Variants in SPOCK1 observed in about 807,000 individuals in gnomAD.
The protein encoded by SPOCK1 is testican-1.
A neutral mutation model predicts 55.3 loss-of-function variants in SPOCK1; 23 were observed. The ratio of observed to expected loss-of-function variants is 0.42; its 90% CI spans 0.30 to 0.59. The LOEUF (loss-of-function observed/expected upper bound fraction) is 0.59, where lower values mean the gene tolerates loss of function less well. Among genes scored for constraint, SPOCK1 ranks in the 20% least tolerant of loss-of-function variants. The probability of loss-of-function intolerance (pLI) is 0.22; values close to 1 mark genes in which losing one functional copy is unlikely to be tolerated. For synonymous variants in SPOCK1, 226 were observed against 221.0 expected (o/e 1.02, Z -0.20); for missense variants, 499 against 552.5 (o/e 0.90, Z 0.97).
intron 2 of SPOCK1, among the ~76,000 whole-genome samples, chr5:137,309,012 T>A (rs1757746426): frequency 6.6e-6 from 1 of 152,210 alleles, no homozygotes; most frequent in Admixed American, 6.5e-5. Context: ...GGTGGTGAGA[T>A]GCTGGATTTT....
Position 137,293,966 on chromosome 5 carries a change from G to A in SPOCK1, c.187-26911C>T, listed in dbSNP as rs555134381. ...CGGGAGGCGGAGCTTGCAGTGAGCC[G>A]AGATAGCACTGCACTCCAGCCTGGG... On this transcript the variant is annotated intron_variant, in intron 2 of 10. Transcript: ENST00000394945. Among the ~76,000 whole-genome samples the A allele has an allele frequency of 1.1e-4, 16 of 152,272 alleles. No homozygotes were observed. The South Asian group carries it at 3.1e-3, about 30-fold the overall frequency.
intron 2 of SPOCK1, among the ~76,000 whole-genome samples, chr5:137,461,728 A>T (rs1561541888): frequency 6.6e-6 from 1 of 152,240 alleles, no homozygotes; most frequent in Non-Finnish European, 1.5e-5. Flanking sequence ...ACCTAGAAAC[A>T]GCAAAATGCA....
intron 5 of SPOCK1, among the ~76,000 whole-genome samples, chr5:137,073,215 A>G (rs1057479793): frequency 1.3e-5 from 2 of 152,176 alleles, no homozygotes; most frequent in African/African-American, 4.8e-5. Flanking sequence ...AATGGGACAA[A>G]GGCCTGTTTC....
intron 3 of SPOCK1, among the ~76,000 whole-genome samples, chr5:137,189,254 GGAA>G (rs1472667040): frequency 6.6e-6 from 1 of 152,318 alleles, no homozygotes; most frequent in South Asian, 2.1e-4. Flanking sequence ...ACTTTCTATT[GGAA>G]GAAGAAGCCA....
intron 6 of SPOCK1, among the ~76,000 whole-genome samples, chr5:137,004,551 T>A (rs1418800861): frequency 6.6e-6 from 1 of 151,922 alleles, no homozygotes; most frequent in Non-Finnish European, 1.5e-5. Flanking sequence ...ATGTTTGCTA[T>A]TATTATTATC....
At chr5:137,448,545 ATTTCT>A (rs1561538524) in intron 2 of SPOCK1, among the ~76,000 whole-genome samples, 1 of 152,168 alleles carries the variant, frequency 6.6e-6, no homozygotes, top group African/African-American at 2.4e-5. Flanking sequence ...GGACTCAATG[ATTTCT>A]TTTCATTAGG....
At chr5:137,290,402 C>T (rs1712354691) in intron 2 of SPOCK1, among the ~76,000 whole-genome samples, 1 of 152,110 alleles carries the variant, frequency 6.6e-6, no homozygotes, top group Non-Finnish European at 1.5e-5. Flanking sequence ...GCAAAACTAA[C>T]ATATGATGAA....
chr5:137,009,712 A>G (rs17521284), intron 6 of SPOCK1, among the ~76,000 whole-genome samples: 40,100 of 152,084 alleles, frequency 0.26, 5,364 homozygotes, highest in Non-Finnish European at 0.29. Context: ...GGGAGAAAAT[A>G]ATTCCTAAAT....
At chr5:137,110,185 G>A (rs111886276) in intron 5 of SPOCK1, among the ~76,000 whole-genome samples, 6,160 of 152,286 alleles carry the variant, frequency 0.04, 164 homozygotes, top group Non-Finnish European at 0.059. Context: ...GAGACACACA[G>A]ACTTTTATTA....
chr5:137,252,974 C>T (rs1226333381), intron 3 of SPOCK1, among the ~76,000 whole-genome samples: 1 of 152,128 alleles, frequency 6.6e-6, no homozygotes, highest in African/African-American at 2.4e-5. Context: ...TCTGTAAAGA[C>T]AATGACTTCC....
In SPOCK1 at chr5:137,385,780, A is replaced by G. The variant is rs572166936; in HGVS notation, c.186+112593T>C. Among the ~76,000 whole-genome samples the G allele has an allele frequency of 5.3e-5, 8 of 152,312 alleles. No individual in the cohort carries two copies. The South Asian group carries it at 1.7e-3, about 32-fold the overall frequency. On this transcript the variant is annotated intron_variant, in intron 2 of 10. Coordinates refer to ENST00000394945, the MANE Select transcript of SPOCK1 (RefSeq NM_004598.4). ...CCATTCTACGGCATTCACTGAACAC[A>G]TACTCTGCCAGGTTCCTACCATCTG...
intron 2 of SPOCK1, among the ~76,000 whole-genome samples, chr5:137,407,946 C>A (rs955366092): frequency 9.9e-5 from 15 of 151,942 alleles, no homozygotes; most frequent in Admixed American, 9.8e-4. Context: ...GCCTCTCCCG[C>A]CCCCACCCCC....
chr5:137,361,255 C>T (rs986692708), intron 2 of SPOCK1, among the ~76,000 whole-genome samples: 3 of 152,044 alleles, frequency 2.0e-5, no homozygotes, highest in African/African-American at 7.2e-5. Flanking sequence ...TTTAAGCCAC[C>T]CAGTCTATGG....
chr5:137,401,297 G>T (rs1751971131), intron 2 of SPOCK1, among the ~76,000 whole-genome samples: 1 of 152,138 alleles, frequency 6.6e-6, no homozygotes, highest in South Asian at 2.1e-4. Context: ...GGGAAACTTA[G>T]CAAAATGATA....
intron 6 of SPOCK1, among the ~76,000 whole-genome samples, chr5:137,017,337 CT>C (rs1442693509): frequency 1.3e-5 from 2 of 152,170 alleles, no homozygotes; most frequent in African/African-American, 4.8e-5. Flanking sequence ...GAAGCTGAGG[CT>C]GGTGTTCTTG....
chr5:137,467,168 G>A (rs1755069136), intron 2 of SPOCK1, among the ~76,000 whole-genome samples: 1 of 152,222 alleles, frequency 6.6e-6, no homozygotes, highest in African/African-American at 2.4e-5. Context: ...GAGTGAGAGA[G>A]GGCACACAAG....
At chr5:137,110,071 T>C (rs1347478038) in intron 5 of SPOCK1, among the ~76,000 whole-genome samples, 1 of 152,172 alleles carries the variant, frequency 6.6e-6, no homozygotes, top group Non-Finnish European at 1.5e-5. Context: ...GAATGAAAGA[T>C]TCTTTCTACG....
At chr5:137,421,820 G>A (rs976672449) in intron 2 of SPOCK1, among the ~76,000 whole-genome samples, 7 of 152,164 alleles carry the variant, frequency 4.6e-5, no homozygotes, top group Non-Finnish European at 8.8e-5. Flanking sequence ...ATTGTTATGT[G>A]TGAATTTGAT....
At chr5:137,184,577 C>A (rs1389504659) in intron 3 of SPOCK1, among the ~76,000 whole-genome samples, 5 of 152,118 alleles carry the variant, frequency 3.3e-5, no homozygotes, top group Non-Finnish European at 7.3e-5. Flanking sequence ...AATAAATACC[C>A]ATGTCCATGA....
Sources: gnomAD v4.1 joint callset for allele counts (sites outside exome capture counted in the v4.1 genomes callset) on GRCh38, gnomAD v4.1.1 for gene constraint, MANE v1.5 for transcripts, NCBI Gene and HGNC (gene_info 2026-07-23, HGNC 2026-07-21) for gene names.